PRR16: variants seen among roughly 807,000 people sequenced by gnomAD.
The protein encoded by PRR16 is proline rich 16.
Under a neutral mutation model 18.2 loss-of-function variants are expected in PRR16, and 6 were observed. The observed-to-expected ratio is 0.33, with a 90% CI of 0.18 to 0.65. PRR16 has a LOEUF of 0.65. PRR16 is among the 30% of genes least tolerant of loss of function. PRR16 has a pLI of 0.74. For synonymous variants in PRR16, 151 were observed against 147.8 expected, an observed-to-expected ratio of 1.02 and a Z score of -0.16; for missense variants, 412 against 376.6, an observed-to-expected ratio of 1.09 and a Z score of -0.78.
At chr5:120,635,379 G>C (rs1474210448) in intron 1 of PRR16, among the ~76,000 whole-genome samples, 1 of 152,060 alleles carries the variant, frequency 6.6e-6, no homozygotes, top group Non-Finnish European at 1.5e-5. Context: ...CAAAATACTA[G>C]CTAAATGAAT....
downstream of PRR16, among the ~76,000 whole-genome samples, chr5:120,687,542 A>G (rs186838117): frequency 3.1e-4 from 47 of 152,338 alleles, no homozygotes; most frequent in Admixed American, 7.9e-4. Context: ...TATGTTGCCA[A>G]GCCCTCCTCA....
At chr5:120,591,944 G>A (rs1015571043) in intron 1 of PRR16, among the ~76,000 whole-genome samples, 1 of 152,118 alleles carries the variant, frequency 6.6e-6, no homozygotes, top group African/African-American at 2.4e-5. Context: ...AGTTTTGTAA[G>A]AGTAGCTTGT....
the PRR16 span, among the ~76,000 whole-genome samples, chr5:120,717,991 A>C: frequency 6.6e-6 from 1 of 152,270 alleles, no homozygotes; most frequent in African/African-American, 2.4e-5. Flanking sequence ...CAATCTAAAA[A>C]TTTATTGTTA....
chr5:120,548,869 G>T (rs1488999241), intron 1 of PRR16, among the ~76,000 whole-genome samples: 1 of 140,336 alleles, frequency 7.1e-6, no homozygotes, highest in Non-Finnish European at 1.6e-5. Context: ...TGATTTTGAT[G>T]CATCGAACTG....
intron 1 of PRR16, among the ~76,000 whole-genome samples, chr5:120,578,153 C>A (rs1753141748): frequency 2.6e-5 from 4 of 152,060 alleles, no homozygotes; most frequent in Non-Finnish European, 5.9e-5. Context: ...CAGTTTTTCC[C>A]CAGTTAATAT....
chr5:120,464,989 G>A (rs768119464), intron 1 of PRR16, among the ~76,000 whole-genome samples: 2 of 152,126 alleles, frequency 1.3e-5, no homozygotes, highest in African/African-American at 4.8e-5. Context: ...AGCCCGGCTG[G>A]AGCGTGCAAG....
chr5:120,637,722 C>A (rs1056469366), intron 1 of PRR16, among the ~76,000 whole-genome samples: 1 of 151,960 alleles, frequency 6.6e-6, no homozygotes, highest in Non-Finnish European at 1.5e-5. Context: ...ATGGGTATGC[C>A]AAAATCTCAG....
chr5:120,709,972 A>G, the PRR16 span, among the ~76,000 whole-genome samples: 1 of 152,016 alleles, frequency 6.6e-6, no homozygotes, highest in Non-Finnish European at 1.5e-5. Context: ...TTGATTTCCT[A>G]TCTTTTGGAT....
At chr5:120,658,604 G>A (rs1005899059) in intron 1 of PRR16, among the ~76,000 whole-genome samples, 5 of 151,810 alleles carry the variant, frequency 3.3e-5, no homozygotes, top group Non-Finnish European at 7.4e-5. Flanking sequence ...CTGTCTAGTA[G>A]AAGCTTTGAA....
chr5:120,613,510 T>C lies in PRR16; in HGVS notation c.160-72444T>C, dbSNP rs140094757. 3.9e-3 allele frequency among the ~76,000 whole-genome samples: 598 copies of C among 152,204 alleles called. 7 individuals carry two copies. Among genetic ancestry groups the C allele is most frequent in the African/African-American group, 0.014 (580 of 41,568 alleles). ...CACAAAGACATTATCAAATAACTTA[T>C]ATGTAGGCTTCCATTTGGGAAAAAA... On this transcript the variant is annotated intron_variant, in intron 1 of 1. Transcript: ENST00000407149.
At chr5:120,491,066 G>T (rs142997924) in intron 1 of PRR16, among the ~76,000 whole-genome samples, 25,913 of 152,084 alleles carry the variant, frequency 0.17, 2,341 homozygotes, top group African/African-American at 0.2. Context: ...TGCCCCTACT[G>T]GGGGGTGCCT....
the PRR16 span, among the ~76,000 whole-genome samples, chr5:120,697,984 C>T: frequency 2.6e-5 from 4 of 152,232 alleles, no homozygotes; most frequent in Admixed American, 6.5e-5. Context: ...TGGGCGTATA[C>T]GTGCAAGTCA....
rs1037575126 is a variant in PRR16 at position 120,480,131 on chromosome 5, A to G, written c.159+15486A>G. Among the ~76,000 whole-genome samples, 4 of 152,144 alleles carry G rather than the reference A, an allele frequency of 2.6e-5. No homozygotes were observed. The South Asian group carries it at 6.2e-4, about 24-fold the overall frequency. On this transcript the variant is annotated intron_variant, in intron 1 of 1. Coordinates refer to ENST00000407149, the MANE Select transcript of PRR16 (RefSeq NM_001300783.2). The stretch of plus-strand genomic sequence containing the variant: ...AACATTTGTTAAAATACAGAATAAT[A>G]TGGCACAGCAGTACGAGCCTGTAAT...
At chr5:120,520,683 T>C (rs1751144604) in intron 1 of PRR16, among the ~76,000 whole-genome samples, 1 of 152,198 alleles carries the variant, frequency 6.6e-6, no homozygotes, top group African/African-American at 2.4e-5. Flanking sequence ...TGTTCTCAAT[T>C]TGACCATCTT....
chr5:120,745,887 A>G, the PRR16 span, among the ~76,000 whole-genome samples: 44 of 120,020 alleles, frequency 3.7e-4, 1 homozygote, highest in African/African-American at 1.6e-3. Flanking sequence ...TTTTTTTAGC[A>G]GAGACAAGGG....
At chr5:120,777,135 A>G in the PRR16 span, among the ~76,000 whole-genome samples, 1 of 152,004 alleles carries the variant, frequency 6.6e-6, no homozygotes, top group African/African-American at 2.4e-5. Context: ...CACCAGGGCA[A>G]AGAGACATTT....
At chr5:120,772,289 CCTCA>C in the PRR16 span, among the ~76,000 whole-genome samples, 11 of 152,044 alleles carry the variant, frequency 7.2e-5, no homozygotes, top group African/African-American at 4.8e-5. Context: ...CTCTTCTACT[CCTCA>C]CTCAAACTCC....
At chr5:120,552,222 C>A (rs2124162) in intron 1 of PRR16, among the ~76,000 whole-genome samples, 1 of 151,684 alleles carries the variant, frequency 6.6e-6, no homozygotes, top group African/African-American at 2.4e-5. Flanking sequence ...TTTATTGACA[C>A]GGTTAAAAAG....
intron 1 of PRR16, among the ~76,000 whole-genome samples, chr5:120,538,984 G>C (rs1171939140): frequency 6.6e-6 from 1 of 152,132 alleles, no homozygotes; most frequent in African/African-American, 2.4e-5. Flanking sequence ...TTGGTTTGAA[G>C]GAAAATGGCT....
Sources: allele counts gnomAD v4.1 joint callset (sites outside exome capture counted in the v4.1 genomes callset), GRCh38; gene constraint gnomAD v4.1.1; transcripts MANE v1.5; gene names NCBI Gene and HGNC (gene_info 2026-07-23, HGNC 2026-07-21).